Variants in MUC4 observed in about 807,000 individuals in gnomAD.
MUC4 encodes mucin-4.
In MUC4, 202 loss-of-function variants were observed where a neutral mutation model predicts 257.9. That is an observed-to-expected ratio of 0.78 (90% CI 0.70 to 0.88). MUC4 has a LOEUF of 0.88. Ranked by LOEUF, MUC4 falls within the 40% of genes least tolerant of loss-of-function variation. The pLI, the probability that MUC4 is intolerant of heterozygous loss-of-function variation, is 0.00. For missense variants in MUC4, 5,976 were observed against 6,513.7 expected (o/e 0.92, Z 2.84); for synonymous variants, 2,351 against 2,757.1 (o/e 0.85, Z 4.62).
rs768147817 is a variant in MUC4, at chr3:195,765,016, C to T, written c.13905G>A (p.Val4635=). 2.5e-6 allele frequency: 4 copies of T among 1,613,922 alleles called. No individual in the cohort carries two copies. The South Asian group carries it at 4.4e-5, about 18-fold the overall frequency. The change falls in exon 10 of 25, where the codon GTG becomes GTA. Residue 4635 remains valine (V), a synonymous_variant. Transcript: ENST00000463781. ...PWGEFREGWH[V]QRPWQLAQEL... ...ACGCACCCAACTGCCAAGGACGCTG[C>T]ACGTGCCAGCCTTCACGAAACTCTC...
rs1174638294 is a variant in MUC4 at position 195,765,512 on chromosome 3, C to T, written c.13619-63G>A. On this transcript the variant is annotated intron_variant, in intron 8 of 24. Transcript: ENST00000463781. ...GCTGGGGCTGCAGGCCCTGTCTCAG[C>T]TTTAGGGTCAACCAAAACTCACAAA... 2.0e-6 allele frequency: 3 copies of T among 1,513,508 alleles called. No homozygotes were observed. The Admixed American group carries it at 6.0e-5, about 30-fold the overall frequency. 93.8% of individuals were successfully genotyped at this position (1,513,508 alleles called of 1,614,324 possible). A position where few individuals can be genotyped will look rare whatever the true frequency, so the allele number is the denominator to read the frequency against.
At chr3:195,777,028 A>G (rs1220113086) in intron 3 of MUC4, among the ~76,000 whole-genome samples, 1 of 12,324 alleles carries the variant, frequency 8.1e-5, no homozygotes, top group Non-Finnish European at 1.5e-4. Flanking sequence ...TACCTTCCAC[A>G]CCCATACCTT....
In MUC4 at chr3:195,751,064, G is replaced by A. The variant is rs1325328057; in HGVS notation, c.15696C>T (p.Val5232=). The A allele has an allele frequency of 1.9e-6, 3 of 1,568,344 alleles. No individual in the cohort carries two copies. Among genetic ancestry groups the A allele is most frequent in the Admixed American group, 3.4e-5 (2 of 58,196 alleles). The part of the protein sequence containing the change: ...ASGSPIQHWM[V]ISEFQYRPRG... The stretch of plus-strand genomic sequence containing the variant: ...GAGGGCGGTACTGGAACTCCGAGAT[G>A]ACCATCCAGTGTTGGATGGGGCTTC... The change falls in exon 23 of 25, where the codon GTC becomes GTT. Residue 5232 remains valine (V), a synonymous_variant. Coordinates refer to ENST00000463781, the MANE Select transcript of MUC4 (RefSeq NM_018406.7).
rs763167346 is a variant in MUC4 at position 195,755,849 on chromosome 3, ATG to A, written c.15168+1296_15168+1297del. Among the ~76,000 whole-genome samples, 1 of 151,724 alleles carries A rather than the reference ATG, an allele frequency of 6.6e-6. No homozygotes were observed. The highest frequency in any genetic ancestry group is 2.1e-4 in the South Asian group (1 of 4,802). The stretch of plus-strand genomic sequence containing the variant: ...CATTCTCTGCTCATGCTTCAGAAGG[ATG>A]TGTGTGTGTGTCTGTGTGTGCGTGT... On this transcript the variant is annotated intron_variant, in intron 18 of 24. Coordinates refer to ENST00000463781, the MANE Select transcript of MUC4 (RefSeq NM_018406.7). This position sits in a 1 kb window ranked among gnomAD's most constrained non-coding sequence, Gnocchi z 5.0.
At chr3:195,750,740 TA>T in intron 23 of MUC4, 148 bp downstream of exon 23, 1 of 770,820 alleles carries the variant, frequency 1.3e-6, no homozygotes, top group Non-Finnish European at 2.1e-6. Context: ...CTCTCGAATC[TA>T]AAAAGCAGCT....
chr3:195,765,075 G>C lies in MUC4; in HGVS notation c.13846C>G (p.Arg4616Gly). 1 of 1,613,812 alleles carries C rather than the reference G, an allele frequency of 6.2e-7. No individual in the cohort carries two copies. Among genetic ancestry groups the C allele is most frequent in the Non-Finnish European group, 8.5e-7 (1 of 1,179,870 alleles). Reference protein sequence around the residue: ...SRQLCSFTSWRGGVCCSYGPW... With the variant: ...SRQLCSFTSWGGGVCCSYGPW... ...CCGTAGCTGCAGCACACGCCTCCTC[G>C]CCAAGAGGTGAAGCTGCACAGCTGC... The change falls in exon 10 of 25, where the codon CGA becomes GGA. Residue 4616 changes from arginine (R) to glycine (G), a missense_variant. Coordinates refer to ENST00000463781, the MANE Select transcript of MUC4 (RefSeq NM_018406.7).
chr3:195,763,982 C>T, intron 11 of MUC4, 63 bp downstream of exon 11: 1 of 1,553,970 alleles, frequency 6.4e-7, no homozygotes, highest in Admixed American at 1.9e-5. Flanking sequence ...GATGCCACCT[C>T]CCGGAAGCCC....
rs1732065385 is a variant in MUC4, at chr3:195,786,556, G to GTGACAGGAAGAGGGGTGGCATGACCGC, written c.5023_5024insGCGGTCATGCCACCCCTCTTCCTGTCA (p.Ser1674_Thr1675insSerGlyHisAlaThrProLeuProVal). ...GACAGGAAGAGGGGTGGCGTGACCG[G>GTGACAGGAAGAGGGGTGGCATGACCGC]TGGATGCTGAGGAAGTGCTGGTGAC... On this transcript the variant is annotated inframe_insertion, in exon 2 of 25. Coordinates refer to ENST00000463781, the MANE Select transcript of MUC4 (RefSeq NM_018406.7). 1 of 1,515,426 alleles carries GTGACAGGAAGAGGGGTGGCATGACCGC rather than the reference G, an allele frequency of 6.6e-7. No individual in the cohort carries two copies. The highest frequency in any genetic ancestry group is 1.4e-5 in the African/African-American group (1 of 70,522). 93.9% of individuals were successfully genotyped at this position (1,515,426 alleles called of 1,614,324 possible).
intron 7 of MUC4, among the ~76,000 whole-genome samples, chr3:195,767,516 T>TCACCACCACCATCATCACCACCATCAC (rs1560261073): frequency 1.7e-5 from 1 of 59,226 alleles, no homozygotes; most frequent in East Asian, 6.2e-4. Context: ...ACCATCACCA[T>TCACCACCACCATCATCACCACCATCAC]CACCACCACC....
intron 3 of MUC4, among the ~76,000 whole-genome samples, chr3:195,778,076 G>T (rs1220072564): frequency 6.6e-6 from 1 of 152,204 alleles, no homozygotes; most frequent in Non-Finnish European, 1.5e-5. Context: ...CTACCGGACC[G>T]TCCATCTATC....
intron 1 of MUC4, among the ~76,000 whole-genome samples, chr3:195,804,295 G>A (rs1252917853): frequency 7.2e-5 from 11 of 152,230 alleles, no homozygotes; most frequent in Admixed American, 7.2e-4. Context: ...GTCTGTTAGG[G>A]CTCCAGGATG....
intron 23 of MUC4, 38 bp from the exon 24 acceptor site, chr3:195,749,102 G>T: frequency 6.2e-7 from 1 of 1,600,964 alleles, no homozygotes; most frequent in Non-Finnish European, 8.5e-7. Context: ...GAAAGCAACC[G>T]ATGAACACTA....
At position 195,746,968 on chromosome 3, in the gene MUC4, G is replaced by C; in HGVS notation, c.*208C>G. On this transcript the variant is annotated 3_prime_UTR_variant, in exon 25 of 25. Transcript: ENST00000463781. ...TGTGTCTGCGTGAGGACCCATCCAT[G>C]CATGTTTGATCTTTATGGCCTCCCC... The C allele has an allele frequency of 1.4e-6, 1 of 718,850 alleles. No homozygotes were observed. Among genetic ancestry groups the C allele is most frequent in the Non-Finnish European group, 2.3e-6 (1 of 440,148 alleles). 44.5% of individuals were successfully genotyped at this position (718,850 alleles called of 1,614,324 possible).
At position 195,747,291 on chromosome 3, in the gene MUC4, C is replaced by T. The variant is rs762031288; in HGVS notation, c.16124G>A (p.Gly5375Glu). 9.9e-5 allele frequency: 159 copies of T among 1,614,070 alleles called. 1 individual carries two copies. The highest frequency in any genetic ancestry group is 2.5e-6 in the Non-Finnish European group (3 of 1,179,994). Residue 5375 changes from glycine to glutamate, a missense_variant, in exon 25 of 25, where the codon GGG becomes GAG. By Grantham distance (98) the Gly-to-Glu change is moderately conservative. This residue lies in a region of MUC4 where 310 missense variants were observed against 242.1 expected (regional missense o/e 1.28). Coordinates refer to ENST00000463781, the MANE Select transcript of MUC4 (RefSeq NM_018406.7). Reference sequence around the variant, plus strand: ...CAGCAGCAAGAGGCCGCCCAGGGCCCCAAAGAAGATGCCGAAGAACGCGTC... The same window carrying T: ...CAGCAGCAAGAGGCCGCCCAGGGCCTCAAAGAAGATGCCGAAGAACGCGTC... ...KLDAFFGIFF[G>E]ALGGLLLLGV...
At chr3:195,762,741 A>ACAACGCGCCCGGCCCTGCACCG (rs1719452776) in intron 13 of MUC4, 114 bp downstream of exon 13, 8 of 900,940 alleles carry the variant, frequency 8.9e-6, no homozygotes, top group Non-Finnish European at 1.2e-5. Flanking sequence ...GCCCTGCACC[A>ACAACGCGCCCGGCCCTGCACCG]CAACGCACCC....
At position 195,783,885 on chromosome 3, in the gene MUC4, G is replaced by C. The variant is rs747745339; in HGVS notation, c.7695C>G (p.Asp2565Glu). Residue 2565 changes from aspartate to glutamate, a missense_variant, in exon 2 of 25, where the codon GAC becomes GAG. Transcript: ENST00000463781. ...CGTGACCTGTGGATGCTGCGGAAGTGTCGGTGACAGGAAGAGAGGTGGCGT... is the reference window on the plus strand; with the variant it reads ...CGTGACCTGTGGATGCTGCGGAAGTCTCGGTGACAGGAAGAGAGGTGGCGT... ...TGHATSLPVT[D>E]TSAASTGHAT... is the part of the protein sequence containing the mutation. 52 of 1,508,930 alleles carry C rather than the reference G, an allele frequency of 3.4e-5. No homozygotes were observed. Among genetic ancestry groups the C allele is most frequent in the African/African-American group, 2.5e-4 (16 of 63,752 alleles). The allele number at this position is 1,508,930 out of a possible 1,614,324, so 93.5% of individuals were successfully genotyped here. A position where few individuals can be genotyped will look rare whatever the true frequency, so the allele number is the denominator to read the frequency against.
At position 195,781,355 on chromosome 3, in the gene MUC4, G is replaced by T; in HGVS notation, c.10225C>A (p.Leu3409Ile). 2 of 1,484,708 alleles carry T rather than the reference G, an allele frequency of 1.3e-6. No individual in the cohort carries two copies. Among genetic ancestry groups the T allele is most frequent in the East Asian group, 2.7e-5 (1 of 37,570 alleles). The allele number at this position is 1,484,708 out of a possible 1,614,324, so 92.0% of individuals were successfully genotyped here. A position where few individuals can be genotyped will look rare whatever the true frequency, so the allele number is the denominator to read the frequency against. ...SSVSTGDTMP[L>I]PVTSPSSAST... The stretch of plus-strand genomic sequence containing the variant: ...GCTGAGGAAGGGCTAGTGACAGGAA[G>T]AGGCATGGTGTCACCTGTGGATACT... Residue 3409 changes from leucine to isoleucine, a missense_variant, in exon 2 of 25, where the codon CTT becomes ATT. Leu to Ile is a conservative substitution (Grantham distance 5). Transcript: ENST00000463781.
chr3:195,765,470 G>A (rs777971586), intron 8 of MUC4, 21 bp from the exon 9 acceptor site: 5 of 1,604,928 alleles, frequency 3.1e-6, no homozygotes, highest in East Asian at 2.2e-5. Context: ...GGATGGGGGG[G>A]AAAGGGCTTA....
In MUC4 at chr3:195,781,191, G is replaced by A. The variant is rs1176192345; in HGVS notation, c.10389C>T (p.Ser3463=). 2 of 1,409,762 alleles carry A rather than the reference G, an allele frequency of 1.4e-6. No individual in the cohort carries two copies. The highest frequency in any genetic ancestry group is 1.5e-5 in the African/African-American group (1 of 64,662). The allele number at this position is 1,409,762 out of a possible 1,614,324, so 87.3% of individuals were successfully genotyped here. ...GGGTGGTGTCACCTGTGGATGCTGA[G>A]GAAGTGTCGGTGACAGGAAGAGGGG... The part of the protein sequence containing the change: ...HTTPLPVTDT[S]SASTGDTTPL... The change falls in exon 2 of 25, where the codon TCC becomes TCT. Residue 3463 remains serine, a synonymous_variant. Coordinates refer to ENST00000463781, the MANE Select transcript of MUC4 (RefSeq NM_018406.7).
Sources: gnomAD v4.1 joint callset for allele counts (sites outside exome capture counted in the v4.1 genomes callset) on GRCh38, gnomAD v4.1.1 for gene constraint, gnomAD v4.1.1 regional missense constraint, Gnocchi (gnomAD v3.1) non-coding constraint, MANE v1.5 for transcripts, NCBI Gene and HGNC (gene_info 2026-07-23, HGNC 2026-07-21) for gene names.